Variants in SH3PXD2B observed in about 807,000 individuals in gnomAD.
The protein encoded by SH3PXD2B is SH3 and PX domains 2B, also known as SH3 and PX domain-containing protein 2B.
Under a neutral mutation model 73.1 loss-of-function variants are expected in SH3PXD2B, and 37 were observed. That is an observed-to-expected ratio of 0.51 (90% CI 0.39 to 0.67). SH3PXD2B has a LOEUF of 0.67. SH3PXD2B is among the 30% of genes least tolerant of loss of function. The pLI, the probability that SH3PXD2B is intolerant of heterozygous loss-of-function variation, is 0.00. For synonymous variants in SH3PXD2B, 457 were observed against 480.5 expected (o/e 0.95, Z 0.64); for missense variants, 1,053 against 1,197.8 (o/e 0.88, Z 1.78).
chr5:172,334,875 G>A lies in SH3PXD2B; in HGVS notation c.*3494C>T, dbSNP rs1438859657. 5 of 985,284 alleles carry A rather than the reference G, an allele frequency of 5.1e-6. No individual in the cohort carries two copies. The highest frequency in any genetic ancestry group is 4.8e-6 in the Non-Finnish European group (4 of 829,956). 61.0% of individuals were successfully genotyped at this position (985,284 alleles called of 1,614,324 possible). A position where few individuals can be genotyped will look rare whatever the true frequency, so the allele number is the denominator to read the frequency against. On this transcript the variant is annotated 3_prime_UTR_variant, in exon 13 of 13. Transcript: ENST00000311601. ...CACCTGGTAATGAAATCCTCAGTGG[G>A]CGCAAACATTTTAGGGCCAAGAACA...
chr5:172,330,932 C>A (rs1028815020), downstream of SH3PXD2B, among the ~76,000 whole-genome samples: 2 of 152,210 alleles, frequency 1.3e-5, no homozygotes, highest in African/African-American at 4.8e-5. Context: ...CGGTGGCTCA[C>A]GCCTGCAATC....
rs779869957 is a variant in SH3PXD2B at position 172,338,534 on chromosome 5, G to A, written c.2571C>T (p.Ala857=). Residue 857 remains alanine (A), a synonymous_variant, in exon 13 of 13, where the codon GCC becomes GCT. Transcript: ENST00000311601. The surrounding 1 kb of genome is among the most constrained non-coding windows in gnomAD (Gnocchi z 5.1). ...ADGLKDSLYV[A]VADFEGDKDT... ...CTTTGTCTCCTTCAAAGTCGGCCAC[G>A]GCCACATACAAAGAGTCCTTCAGGC... 8.1e-6 allele frequency: 13 copies of A among 1,614,162 alleles called. No homozygotes were observed. The highest frequency in any genetic ancestry group is 4.0e-5 in the African/African-American group (3 of 75,038).
In SH3PXD2B at chr5:172,403,466, C is replaced by T. The variant is rs576955185; in HGVS notation, c.232+2811G>A. Among the ~76,000 whole-genome samples, 10 of 148,856 alleles carry T rather than the reference C, an allele frequency of 6.7e-5. No individual in the cohort carries two copies. In the East Asian group the frequency reaches 8.3e-4, roughly 12 times the overall value. ...AAGAGGTGGCTCAGAAGGGGTGGTC[C>T]GGGGTCCTGGGGCCCAGCGGGGTCC... is the stretch of plus-strand genomic sequence containing the variant. On this transcript the variant is annotated intron_variant, in intron 3 of 12. Coordinates refer to ENST00000311601, the MANE Select transcript of SH3PXD2B (RefSeq NM_001017995.3).
chr5:172,340,296 TGA>T (rs1756822973), intron 12 of SH3PXD2B, among the ~76,000 whole-genome samples: 1 of 152,226 alleles, frequency 6.6e-6, no homozygotes, highest in Non-Finnish European at 1.5e-5. Flanking sequence ...AGGGACCCTC[TGA>T]GAGACCACAA....
chr5:172,394,549 T>A lies in SH3PXD2B; in HGVS notation c.309+14A>T. 1.2e-6 allele frequency: 2 copies of A among 1,613,900 alleles called. No individual in the cohort carries two copies. Among genetic ancestry groups the A allele is most frequent in the Non-Finnish European group, 1.7e-6 (2 of 1,179,806 alleles). ...ACCTACAGGGAAGACTGCGTGGGCA[T>A]TTCTCAGCCTTACCTTACAGTATTC... is the stretch of plus-strand genomic sequence containing the variant. On this transcript the variant is annotated intron_variant, in intron 4 of 12. Coordinates refer to ENST00000311601, the MANE Select transcript of SH3PXD2B (RefSeq NM_001017995.3).
At chr5:172,450,919 A>G (rs1759781900) in intron 1 of SH3PXD2B, among the ~76,000 whole-genome samples, 1 of 152,316 alleles carries the variant, frequency 6.6e-6, no homozygotes, top group African/African-American at 2.4e-5. Flanking sequence ...TGCTTCCAAC[A>G]GAGGGCAGTG....
chr5:172,418,568 T>C (rs1380011061), intron 2 of SH3PXD2B, among the ~76,000 whole-genome samples: 1 of 152,234 alleles, frequency 6.6e-6, no homozygotes, highest in East Asian at 1.9e-4. Flanking sequence ...CATGAAATCA[T>C]CTAACTCCAG....
intron 12 of SH3PXD2B, among the ~76,000 whole-genome samples, chr5:172,344,072 A>G (rs1756922359): frequency 6.6e-6 from 1 of 152,158 alleles, no homozygotes; most frequent in Admixed American, 6.5e-5. Flanking sequence ...AAGGTACCTG[A>G]CACAGAAGAG....
chr5:172,328,007 G>T (rs1363849288), intron 12 of SH3PXD2B, among the ~76,000 whole-genome samples: 3 of 151,446 alleles, frequency 2.0e-5, no homozygotes, highest in African/African-American at 7.3e-5. Context: ...CACCCACTTC[G>T]GTTTCCCAAA....
intron 3 of SH3PXD2B, among the ~76,000 whole-genome samples, chr5:172,405,721 G>C (rs1210299204): frequency 6.6e-6 from 1 of 152,126 alleles, no homozygotes; most frequent in Non-Finnish European, 1.5e-5. Flanking sequence ...CAAAAACCCT[G>C]CCTGGATTTT....
chr5:172,422,879 G>A (rs79410662), intron 1 of SH3PXD2B, among the ~76,000 whole-genome samples: 2,760 of 152,264 alleles, frequency 0.018, 100 homozygotes, highest in African/African-American at 0.063. Context: ...TCACGGAGAC[G>A]TGCAGCTCTT....
At chr5:172,439,690 G>GCACACACACACACACACACACACA (rs1488784600) in intron 1 of SH3PXD2B, among the ~76,000 whole-genome samples, 7 of 113,152 alleles carry the variant, frequency 6.2e-5, no homozygotes, top group Non-Finnish European at 1.1e-4. Flanking sequence ...GCGCACGCGC[G>GCACACACACACACACACACACACA]CGCACACACA....
intron 8 of SH3PXD2B, 82 bp from the exon 9 acceptor site, chr5:172,354,087 G>A (rs1561900070): frequency 9.8e-6 from 13 of 1,326,604 alleles, no homozygotes; most frequent in East Asian, 4.6e-5. Context: ...GCCCTTGCCC[G>A]TCGGAGGGAG....
rs2113237193 is a variant in SH3PXD2B, at chr5:172,335,302, T to C, written c.*3067A>G. The stretch of plus-strand genomic sequence containing the variant: ...ATTTGGCCTGTGACCTACTGAAATG[T>C]GTGAGCAAGGGGCGGGGGGAAGAGG... On this transcript the variant is annotated 3_prime_UTR_variant, in exon 13 of 13. Transcript: ENST00000311601. 2 of 1,158,918 alleles carry C rather than the reference T, an allele frequency of 1.7e-6. No homozygotes were observed. Among genetic ancestry groups the C allele is most frequent in the South Asian group, 4.4e-5 (1 of 22,778 alleles). The allele number at this position is 1,158,918 out of a possible 1,614,324, so 71.8% of individuals were successfully genotyped here. A position where few individuals can be genotyped will look rare whatever the true frequency, so the allele number is the denominator to read the frequency against.
At chr5:172,408,151 T>G (rs565373522) in intron 2 of SH3PXD2B, among the ~76,000 whole-genome samples, 1 of 151,138 alleles carries the variant, frequency 6.6e-6, no homozygotes, top group Non-Finnish European at 1.5e-5. Context: ...AACTGTGGGT[T>G]TTTTTTTTTC....
Position 172,376,324 on chromosome 5 carries a change from T to C in SH3PXD2B, c.402-2509A>G, listed in dbSNP as rs577960332. Among the ~76,000 whole-genome samples the C allele has an allele frequency of 3.3e-5, 5 of 152,306 alleles. No homozygotes were observed. In the East Asian group the frequency reaches 9.6e-4, roughly 29 times the overall value. On this transcript the variant is annotated intron_variant, in intron 5 of 12. Transcript: ENST00000311601. ...GATTACACGTATGAGCCACCATGCC[T>C]GGCCTATCTATCTTCTTGATTACAG...
At chr5:172,425,592 C>G (rs1439224995) in intron 1 of SH3PXD2B, among the ~76,000 whole-genome samples, 1 of 151,886 alleles carries the variant, frequency 6.6e-6, no homozygotes, top group Admixed American at 6.6e-5. Flanking sequence ...GAGAGTATGA[C>G]AGCTGACAGT....
intron 12 of SH3PXD2B, among the ~76,000 whole-genome samples, chr5:172,345,272 G>A (rs1299779319): frequency 6.6e-6 from 1 of 152,140 alleles, no homozygotes; most frequent in Non-Finnish European, 1.5e-5. Flanking sequence ...AGTGCTCTGT[G>A]CCAGGGACCA....
At chr5:172,333,138 T>C (rs1756597150), downstream of SH3PXD2B, among the ~76,000 whole-genome samples, 1 of 151,948 alleles carries the variant, frequency 6.6e-6, no homozygotes, top group Non-Finnish European at 1.5e-5. Context: ...TTTCGCCATA[T>C]TGGCCAGGCT....
Sources: gnomAD v4.1 joint callset for allele counts (sites outside exome capture counted in the v4.1 genomes callset) on GRCh38, gnomAD v4.1.1 for gene constraint, Gnocchi (gnomAD v3.1) non-coding constraint, MANE v1.5 for transcripts, NCBI Gene and HGNC (gene_info 2026-07-23, HGNC 2026-07-21) for gene names.